The following CALCRL variants were observed in gnomAD, a reference collection of about 807,000 sequenced individuals.
CALCRL encodes calcitonin gene-related peptide type 1 receptor.
A neutral mutation model predicts 60.4 loss-of-function variants in CALCRL; 27 were observed. That is an observed-to-expected ratio of 0.45 (90% CI 0.33 to 0.62). The LOEUF (loss-of-function observed/expected upper bound fraction) is 0.62, where lower values mean the gene tolerates loss of function less well. Ranked by LOEUF, CALCRL falls within the 20% of genes least tolerant of loss-of-function variation. The pLI is 0.03. For missense variants in CALCRL, 424 were observed against 540.7 expected, an observed-to-expected ratio of 0.78 and a Z score of 2.14; for synonymous variants, 190 against 182.6, an observed-to-expected ratio of 1.04 and a Z score of -0.33.
chr2:187,437,354 A>G (rs1690690783), intron 1 of CALCRL, among the ~76,000 whole-genome samples: 1 of 152,200 alleles, frequency 6.6e-6, no homozygotes, highest in Non-Finnish European at 1.5e-5. Flanking sequence ...CATCCTGGCT[A>G]ATACAGTGAA....
At chr2:187,432,304 A>G (rs2105894824) in intron 1 of CALCRL, among the ~76,000 whole-genome samples, 1 of 152,246 alleles carries the variant, frequency 6.6e-6, no homozygotes, top group Admixed American at 6.5e-5. Flanking sequence ...GCATTTACAC[A>G]CTGTTTGAAT....
rs900324961 is a variant in CALCRL at position 187,387,413 on chromosome 2, G to A, written c.-121C>T. The A allele has an allele frequency of 5.2e-6, 1 of 191,136 alleles. No individual in the cohort carries two copies. The allele number at this position is 191,136 out of a possible 1,614,324, so 11.8% of individuals were successfully genotyped here. ...AAGTTTGCAGCAGTCTTGTCAAGTT[G>A]TAGTAGTTTTCTTTTTAGTGGTAGC... On this transcript the variant is annotated 5_prime_UTR_variant, in exon 3 of 15. Transcript: ENST00000392370.
intron 8 of CALCRL, among the ~76,000 whole-genome samples, chr2:187,367,886 C>G (rs577638682): frequency 6.6e-6 from 1 of 152,094 alleles, no homozygotes; most frequent in South Asian, 2.1e-4. Flanking sequence ...TTTCAACATG[C>G]AATTTTGGCC....
intron 5 of CALCRL, 88 bp downstream of exon 5, chr2:187,383,085 G>T: frequency 7.9e-7 from 1 of 1,268,544 alleles, no homozygotes; most frequent in Non-Finnish European, 1.1e-6. Flanking sequence ...TTTTAATAAT[G>T]GACCTAAAGC....
At chr2:187,353,025 A>G (rs1686603088) in intron 12 of CALCRL, among the ~76,000 whole-genome samples, 1 of 151,906 alleles carries the variant, frequency 6.6e-6, no homozygotes, top group African/African-American at 2.4e-5. Flanking sequence ...TTTCTCGAAG[A>G]GACAGTAGTT....
At chr2:187,367,683 A>C (rs764443155) in intron 8 of CALCRL, among the ~76,000 whole-genome samples, 1 of 152,144 alleles carries the variant, frequency 6.6e-6, no homozygotes, top group Non-Finnish European at 1.5e-5. Flanking sequence ...TATTCAAAAT[A>C]GTGAAAGCAA....
intron 1 of CALCRL, among the ~76,000 whole-genome samples, chr2:187,388,919 C>T: frequency 6.6e-6 from 1 of 151,924 alleles, no homozygotes; most frequent in Admixed American, 6.6e-5. Flanking sequence ...AACCTGAGTG[C>T]TCAAGAAATT....
intron 1 of CALCRL, among the ~76,000 whole-genome samples, chr2:187,411,771 C>T (rs949756669): frequency 5.3e-5 from 8 of 151,488 alleles, no homozygotes; most frequent in Non-Finnish European, 1.0e-4. Flanking sequence ...CTGAGGCGGG[C>T]GGATCACGAG....
At chr2:187,408,117 A>G in intron 1 of CALCRL, among the ~76,000 whole-genome samples, 1 of 152,032 alleles carries the variant, frequency 6.6e-6, no homozygotes, top group South Asian at 2.1e-4. Flanking sequence ...AAAAAATGTC[A>G]TTACTATTAC....
At position 187,430,960 on chromosome 2, in the gene CALCRL, T is replaced by G. The variant is rs979775611; in HGVS notation, c.-293+17079A>C. Among the ~76,000 whole-genome samples the G allele has an allele frequency of 2.5e-4, 38 of 152,164 alleles. 1 individual carries two copies. The highest frequency in any genetic ancestry group is 7.5e-4 in the African/African-American group (31 of 41,542). On this transcript the variant is annotated intron_variant, in intron 1 of 14. Coordinates refer to ENST00000392370, the MANE Select transcript of CALCRL (RefSeq NM_005795.6). ...AATATATGATGTCTGTGGCTAATTT[T>G]ACAAAATAACTAATATTAATAAATC...
intron 8 of CALCRL, among the ~76,000 whole-genome samples, chr2:187,368,024 T>G (rs896515799): frequency 2.0e-5 from 3 of 152,074 alleles, no homozygotes; most frequent in African/African-American, 7.2e-5. Context: ...AGTCACTATG[T>G]GTAGTTCAGA....
At chr2:187,422,740 C>G (rs1689937077) in intron 1 of CALCRL, among the ~76,000 whole-genome samples, 1 of 151,546 alleles carries the variant, frequency 6.6e-6, no homozygotes, top group Admixed American at 6.6e-5. Context: ...TTCTAAGAGA[C>G]AAGATTAGGT....
intron 14 of CALCRL, among the ~76,000 whole-genome samples, chr2:187,348,440 TATA>T (rs1174187701): frequency 2.6e-5 from 4 of 151,686 alleles, no homozygotes; most frequent in Non-Finnish European, 5.9e-5. Flanking sequence ...TATAGCTTTG[TATA>T]AAAAATTCTA....
rs374271847 is a variant in CALCRL at position 187,432,661 on chromosome 2, TTAAC to T, written c.-293+15374_-293+15377del. 4.8e-4 allele frequency among the ~76,000 whole-genome samples: 73 copies of T among 152,252 alleles called. No homozygotes were observed. In the East Asian group the frequency reaches 0.013, roughly 27 times the overall value. ...AAAACATATTATATATCACTAAAAA[TTAAC>T]TAACACATTTTATAATTAGAATCAT... On this transcript the variant is annotated intron_variant, in intron 1 of 14. Transcript: ENST00000392370.
At chr2:187,440,207 G>T (rs935453862) in intron 1 of CALCRL, among the ~76,000 whole-genome samples, 1 of 151,678 alleles carries the variant, frequency 6.6e-6, no homozygotes, top group Non-Finnish European at 1.5e-5. Context: ...GAACTAAAAT[G>T]TCCAGACGAA....
intron 1 of CALCRL, among the ~76,000 whole-genome samples, chr2:187,422,598 A>G (rs1248243747): frequency 9.2e-5 from 14 of 152,124 alleles, no homozygotes. Context: ...CTTATAGTAA[A>G]TATCACAGAA....
chr2:187,375,953 T>C (rs996104923), intron 8 of CALCRL, among the ~76,000 whole-genome samples: 1 of 152,302 alleles, frequency 6.6e-6, no homozygotes, highest in East Asian at 1.9e-4. Flanking sequence ...TCTTTATCAA[T>C]AAGAAATACA....
intron 8 of CALCRL, among the ~76,000 whole-genome samples, chr2:187,368,604 CT>C (rs1397613466): frequency 6.6e-6 from 1 of 152,076 alleles, no homozygotes; most frequent in Non-Finnish European, 1.5e-5. Flanking sequence ...GGACAATAAC[CT>C]TGCCTCTGTT....
intron 1 of CALCRL, among the ~76,000 whole-genome samples, chr2:187,422,578 T>A (rs1466919402): frequency 2.6e-5 from 4 of 152,104 alleles, no homozygotes; most frequent in Non-Finnish European, 1.5e-5. Flanking sequence ...TGTCTAATAA[T>A]AGTGAGGCTC....
Sources: allele counts gnomAD v4.1 joint callset (sites outside exome capture counted in the v4.1 genomes callset), GRCh38; gene constraint gnomAD v4.1.1; transcripts MANE v1.5; gene names NCBI Gene and HGNC (gene_info 2026-07-23, HGNC 2026-07-21).